The following ARL4A variants were observed in gnomAD, a reference collection of about 807,000 sequenced individuals.
The protein encoded by ARL4A is ARF like GTPase 4A, also known as ADP-ribosylation factor-like protein 4A.
Under a neutral mutation model 13.9 loss-of-function variants are expected in ARL4A, and 5 were observed. The observed-to-expected ratio is 0.36, with a 90% CI of 0.19 to 0.75. ARL4A has a LOEUF of 0.75. Ranked by LOEUF, ARL4A falls within the 30% of genes least tolerant of loss-of-function variation. The pLI is 0.53. For synonymous variants in ARL4A, 77 were observed against 84.4 expected (o/e 0.91, Z 0.48); for missense variants, 147 against 225.8 (o/e 0.65, Z 2.24).
At position 12,690,227 on chromosome 7, in the gene ARL4A, C is replaced by T. The variant is rs1307095398; in HGVS notation, c.*1370C>T. ...TTATTTTTTATGTCTAAAGCAACAG[C>T]TGTTCTGAAAAATCACCAAAAGAAA... On this transcript the variant is annotated 3_prime_UTR_variant, in exon 2 of 2. Coordinates refer to ENST00000651779, the MANE Select transcript of ARL4A (RefSeq NM_005738.5). 3.0e-5 allele frequency: 5 copies of T among 166,662 alleles called. No individual in the cohort carries two copies. The highest frequency in any genetic ancestry group is 1.2e-4 in the African/African-American group (5 of 41,350). The allele number at this position is 166,662 out of a possible 1,614,324, so 10.3% of individuals were successfully genotyped here. A position where few individuals can be genotyped will look rare whatever the true frequency, so the allele number is the denominator to read the frequency against.
At position 12,690,474 on chromosome 7, in the gene ARL4A, G is replaced by C. The variant is rs1784602296; in HGVS notation, c.*1617G>C. 1 of 166,708 alleles carries C rather than the reference G, an allele frequency of 6.0e-6. No homozygotes were observed. The highest frequency in any genetic ancestry group is 2.4e-5 in the African/African-American group (1 of 41,348). 10.3% of individuals were successfully genotyped at this position (166,708 alleles called of 1,614,324 possible). On this transcript the variant is annotated 3_prime_UTR_variant, in exon 2 of 2. Coordinates refer to ENST00000651779, the MANE Select transcript of ARL4A (RefSeq NM_005738.5). ...TAATAACTACCAATAAACTACTTGA[G>C]GCACTAGGAGAACAGTATTTGACTT...
chr7:12,689,425 A>G lies in ARL4A; in HGVS notation c.*568A>G, dbSNP rs1784582591. 6.0e-6 allele frequency: 1 copy of G among 167,634 alleles called. No individual in the cohort carries two copies. The highest frequency in any genetic ancestry group is 6.5e-5 in the Admixed American group (1 of 15,326). 10.4% of individuals were successfully genotyped at this position (167,634 alleles called of 1,614,324 possible). A position where few individuals can be genotyped will look rare whatever the true frequency, so the allele number is the denominator to read the frequency against. ...TTCTGGAATCAAGTAATTTAATAGT[A>G]TAGCTTAATTCTAGACAATGTTTAA... On this transcript the variant is annotated 3_prime_UTR_variant, in exon 2 of 2. Coordinates refer to ENST00000651779, the MANE Select transcript of ARL4A (RefSeq NM_005738.5).
Position 12,688,111 on chromosome 7 carries a change from C to A in ARL4A, c.-89-55C>A. ...GTTTATTTTAGCAAAGTAGAGCAAA[C>A]CTGTTTTAATGTATTATTTCGGGAG... On this transcript the variant is annotated intron_variant, in intron 1 of 1. Transcript: ENST00000651779. The surrounding 1 kb of genome is among the most constrained non-coding windows in gnomAD (Gnocchi z 5.2). 3 of 1,263,940 alleles carry A rather than the reference C, an allele frequency of 2.4e-6. No homozygotes were observed. The highest frequency in any genetic ancestry group is 3.3e-5 in the South Asian group (2 of 60,802). 78.3% of individuals were successfully genotyped at this position (1,263,940 alleles called of 1,614,324 possible).
At position 12,690,283 on chromosome 7, in the gene ARL4A, T is replaced by C. The variant is rs1784596951; in HGVS notation, c.*1426T>C. ...TTTGCTAGCAGGATTTGTTTTGGCT[T>C]TGGGTTTTGTTTTTTTGTTTTTTTT... On this transcript the variant is annotated 3_prime_UTR_variant, in exon 2 of 2. Coordinates refer to ENST00000651779, the MANE Select transcript of ARL4A (RefSeq NM_005738.5). 1 of 160,182 alleles carries C rather than the reference T, an allele frequency of 6.2e-6. No homozygotes were observed. The highest frequency in any genetic ancestry group is 2.5e-5 in the African/African-American group (1 of 39,712). 9.9% of individuals were successfully genotyped at this position (160,182 alleles called of 1,614,324 possible).
At position 12,688,101 on chromosome 7, in the gene ARL4A, G is replaced by C; in HGVS notation, c.-89-65G>C. 8.5e-7 allele frequency: 1 copy of C among 1,182,496 alleles called. No homozygotes were observed. The highest frequency in any genetic ancestry group is 1.5e-5 in the African/African-American group (1 of 65,282). The allele number at this position is 1,182,496 out of a possible 1,614,324, so 73.3% of individuals were successfully genotyped here. On this transcript the variant is annotated intron_variant, in intron 1 of 1. Transcript: ENST00000651779. This position sits in a 1 kb window ranked among gnomAD's most constrained non-coding sequence, Gnocchi z 5.2. ...TCTTCGTGTTGTTTATTTTAGCAAA[G>C]TAGAGCAAACCTGTTTTAATGTATT...
chr7:12,689,257 G>C lies in ARL4A; in HGVS notation c.*400G>C, dbSNP rs1784579351. On this transcript the variant is annotated 3_prime_UTR_variant, in exon 2 of 2. Transcript: ENST00000651779. ...GCATACAAGGCTTTGTAACGATCAA[G>C]TGCTAATCGATGGAAATGTTAAGGT... The C allele has an allele frequency of 5.3e-6, 1 of 187,406 alleles. No individual in the cohort carries two copies. Among genetic ancestry groups the C allele is most frequent in the Non-Finnish European group, 1.2e-5 (1 of 80,106 alleles). The allele number at this position is 187,406 out of a possible 1,614,324, so 11.6% of individuals were successfully genotyped here.
rs1286129164 is a variant in ARL4A, at chr7:12,688,823, G to T, written c.569G>T (p.Arg190Ile). 6.2e-7 allele frequency: 1 copy of T among 1,606,930 alleles called. No individual in the cohort carries two copies. Among genetic ancestry groups the T allele is most frequent in the Non-Finnish European group, 8.5e-7 (1 of 1,177,748 alleles). ...CTACATGATATGATCATTAAAAGAA[G>T]AAAAATGTTGCGGCAACAGAAAAAG... ...EKLHDMIIKR[R>I]KMLRQQKKKR The change falls in exon 2 of 2, where the codon AGA (arginine) becomes ATA (isoleucine). Residue 190 changes from arginine to isoleucine, a missense_variant. Transcript: ENST00000651779. The surrounding 1 kb of genome is among the most constrained non-coding windows in gnomAD (Gnocchi z 5.2).
Position 12,687,829 on chromosome 7 carries a change from T to A in ARL4A, c.-90+101T>A, listed in dbSNP as rs190029420. ...ATTCCGAAGATAGGACTATCTGCTATGAGTTTTCTGCCAGATAGGCACTTT... is the reference window on the plus strand; with the variant it reads ...ATTCCGAAGATAGGACTATCTGCTAAGAGTTTTCTGCCAGATAGGCACTTT... On this transcript the variant is annotated intron_variant, in intron 1 of 1. Coordinates refer to ENST00000651779, the MANE Select transcript of ARL4A (RefSeq NM_005738.5). The surrounding 1 kb of genome is among the most constrained non-coding windows in gnomAD (Gnocchi z 5.6). 196 of 163,874 alleles carry A rather than the reference T, an allele frequency of 1.2e-3. 1 individual carries two copies. Among genetic ancestry groups the A allele is most frequent in the African/African-American group, 4.1e-3 (170 of 41,774 alleles). The allele number at this position is 163,874 out of a possible 1,614,324, so 10.2% of individuals were successfully genotyped here. A position where few individuals can be genotyped will look rare whatever the true frequency, so the allele number is the denominator to read the frequency against.
chr7:12,689,187 G>A lies in ARL4A; in HGVS notation c.*330G>A, dbSNP rs1288418457. 1.3e-5 allele frequency: 3 copies of A among 234,266 alleles called. No homozygotes were observed. The highest frequency in any genetic ancestry group is 1.7e-3 in the Middle Eastern group (1 of 578). The allele number at this position is 234,266 out of a possible 1,614,324, so 14.5% of individuals were successfully genotyped here. ...AAACTTTAAAGAGTGTCTGCCTAGTGTTTTGTGCTTACATCTTTCGGGGGG... is the reference window on the plus strand; with the variant it reads ...AAACTTTAAAGAGTGTCTGCCTAGTATTTTGTGCTTACATCTTTCGGGGGG... On this transcript the variant is annotated 3_prime_UTR_variant, in exon 2 of 2. Transcript: ENST00000651779.
chr7:12,689,032 A>C lies in ARL4A; in HGVS notation c.*175A>C. 3.1e-6 allele frequency: 2 copies of C among 653,612 alleles called. No individual in the cohort carries two copies. The allele number at this position is 653,612 out of a possible 1,614,324, so 40.5% of individuals were successfully genotyped here. A position where few individuals can be genotyped will look rare whatever the true frequency, so the allele number is the denominator to read the frequency against. On this transcript the variant is annotated 3_prime_UTR_variant, in exon 2 of 2. Transcript: ENST00000651779. ...TGCCTTGTGGAAGATGAGTAAATGC[A>C]GTGCTTCTTAAAGTGGTCTCTTCTC...
upstream of ARL4A, chr7:12,687,377 C>T (rs1467973989): frequency 6.6e-6 from 1 of 152,260 alleles, no homozygotes; most frequent in African/African-American, 2.4e-5. This position sits in a 1 kb window ranked among gnomAD's most constrained non-coding sequence, Gnocchi z 5.6. Flanking sequence ...TCCCCTTCAC[C>T]TGCAGCGGCT....
At position 12,688,163 on chromosome 7, in the gene ARL4A, C is replaced by G; in HGVS notation, c.-89-3C>G. 6.8e-7 allele frequency: 1 copy of G among 1,475,222 alleles called. No individual in the cohort carries two copies. Among genetic ancestry groups the G allele is most frequent in the Non-Finnish European group, 9.1e-7 (1 of 1,104,382 alleles). The allele number at this position is 1,475,222 out of a possible 1,614,324, so 91.4% of individuals were successfully genotyped here. ...ATAACTTATTCCTTCTTCCGTCTCC[C>G]AGCAGTCTTATAGCTGGATCAGCTA... On this transcript the variant is annotated splice_region_variant and splice_polypyrimidine_tract_variant and intron_variant, in intron 1 of 1. Coordinates refer to ENST00000651779, the MANE Select transcript of ARL4A (RefSeq NM_005738.5). The surrounding 1 kb of genome is among the most constrained non-coding windows in gnomAD (Gnocchi z 5.2).
rs1317073628 is a variant in ARL4A at position 12,688,124 on chromosome 7, A to C, written c.-89-42A>C. On this transcript the variant is annotated intron_variant, in intron 1 of 1. Transcript: ENST00000651779. The surrounding 1 kb of genome is among the most constrained non-coding windows in gnomAD (Gnocchi z 5.2). ...AAGTAGAGCAAACCTGTTTTAATGT[A>C]TTATTTCGGGAGAATAACTTATTCC... 2 of 1,347,588 alleles carry C rather than the reference A, an allele frequency of 1.5e-6. No individual in the cohort carries two copies. Among genetic ancestry groups the C allele is most frequent in the Non-Finnish European group, 2.0e-6 (2 of 989,828 alleles). 83.5% of individuals were successfully genotyped at this position (1,347,588 alleles called of 1,614,324 possible).
At chr7:12,687,380 C>T (rs553779504), upstream of ARL4A, 1 of 152,388 alleles carries the variant, frequency 6.6e-6, no homozygotes, top group East Asian at 1.9e-4. The surrounding 1 kb of genome is among the most constrained non-coding windows in gnomAD (Gnocchi z 5.6). Context: ...CCTTCACCTG[C>T]AGCGGCTGCT....
rs911083772 is a variant in ARL4A, at chr7:12,689,206, C to CGG, written c.*354_*355dup. On this transcript the variant is annotated 3_prime_UTR_variant, in exon 2 of 2. Coordinates refer to ENST00000651779, the MANE Select transcript of ARL4A (RefSeq NM_005738.5). ...CCTAGTGTTTTGTGCTTACATCTTT[C>CGG]GGGGGGAAGCCTTTGCAAGAAAATT... 4.8e-6 allele frequency: 1 copy of CGG among 208,480 alleles called. No homozygotes were observed. Among genetic ancestry groups the CGG allele is most frequent in the African/African-American group, 2.4e-5 (1 of 42,236 alleles). 12.9% of individuals were successfully genotyped at this position (208,480 alleles called of 1,614,324 possible).
Position 12,688,780 on chromosome 7 carries a change from A to G in ARL4A, c.526A>G (p.Lys176Glu). Residue 176 changes from lysine (K) to glutamate (E), a missense_variant, in exon 2 of 2, where the codon AAG (lysine) becomes GAG (glutamate). Lys to Glu is a moderately conservative substitution (Grantham distance 56). Transcript: ENST00000651779. This position sits in a 1 kb window ranked among gnomAD's most constrained non-coding sequence, Gnocchi z 5.2. Reference sequence around the variant, plus strand: ...CTGTGCAATCATAGGAGATGGCCTAAAGGAAGGACTTGAGAAACTACATGA... The same window carrying G: ...CTGTGCAATCATAGGAGATGGCCTAGAGGAAGGACTTGAGAAACTACATGA... ...PTCAIIGDGLKEGLEKLHDMI... is the reference protein window; with the variant it reads ...PTCAIIGDGLEEGLEKLHDMI... 1 of 1,613,952 alleles carries G rather than the reference A, an allele frequency of 6.2e-7. No individual in the cohort carries two copies. The highest frequency in any genetic ancestry group is 8.5e-7 in the Non-Finnish European group (1 of 1,179,832).
rs1784557100 is a variant in ARL4A at position 12,688,204 on chromosome 7, A to C, written c.-51A>C. ...GGATCAGCTACCAAGAGAAGTTGTA[A>C]ACCAAGAAGAGAAAAGCATTTCAAT... On this transcript the variant is annotated 5_prime_UTR_variant, in exon 2 of 2. Coordinates refer to ENST00000651779, the MANE Select transcript of ARL4A (RefSeq NM_005738.5). This position sits in a 1 kb window ranked among gnomAD's most constrained non-coding sequence, Gnocchi z 5.2. 1 of 1,522,172 alleles carries C rather than the reference A, an allele frequency of 6.6e-7. No homozygotes were observed. Among genetic ancestry groups the C allele is most frequent in the African/African-American group, 1.4e-5 (1 of 71,850 alleles). The allele number at this position is 1,522,172 out of a possible 1,614,324, so 94.3% of individuals were successfully genotyped here. A position where few individuals can be genotyped will look rare whatever the true frequency, so the allele number is the denominator to read the frequency against.
In ARL4A at chr7:12,688,240, T is replaced by G; in HGVS notation, c.-15T>G. Reference sequence around the variant, plus strand: ...GAAAAGCATTTCAATTTGGGACATTTATTTGCACCTGGAAATGGGGAATGG... The same window carrying G: ...GAAAAGCATTTCAATTTGGGACATTGATTTGCACCTGGAAATGGGGAATGG... On this transcript the variant is annotated 5_prime_UTR_variant, in exon 2 of 2. Coordinates refer to ENST00000651779, the MANE Select transcript of ARL4A (RefSeq NM_005738.5). The surrounding 1 kb of genome is among the most constrained non-coding windows in gnomAD (Gnocchi z 5.2). 1 of 1,542,260 alleles carries G rather than the reference T, an allele frequency of 6.5e-7. No individual in the cohort carries two copies. Among genetic ancestry groups the G allele is most frequent in the Non-Finnish European group, 8.7e-7 (1 of 1,147,138 alleles).
chr7:12,690,911 A>G lies in ARL4A; in HGVS notation c.*2054A>G, dbSNP rs1006298456. ...CAACAAAAGAGAAAATGGTATGAACACTGTACAAACTTTGATTTATAAAAG... is the reference window on the plus strand; with the variant it reads ...CAACAAAAGAGAAAATGGTATGAACGCTGTACAAACTTTGATTTATAAAAG... On this transcript the variant is annotated 3_prime_UTR_variant, in exon 2 of 2. Transcript: ENST00000651779. 1.2e-5 allele frequency: 2 copies of G among 166,234 alleles called. No individual in the cohort carries two copies. Among genetic ancestry groups the G allele is most frequent in the Admixed American group, 6.5e-5 (1 of 15,290 alleles). The allele number at this position is 166,234 out of a possible 1,614,324, so 10.3% of individuals were successfully genotyped here.
Sources: gnomAD v4.1 joint callset for allele counts on GRCh38, gnomAD v4.1.1 for gene constraint, Gnocchi (gnomAD v3.1) non-coding constraint, MANE v1.5 for transcripts, NCBI Gene and HGNC (gene_info 2026-07-23, HGNC 2026-07-21) for gene names.